The following DNAJB6 variants were observed in gnomAD, a reference collection of about 807,000 sequenced individuals.
DNAJB6 encodes the protein DnaJ heat shock protein family (Hsp40) member B6.
DNAJB6 carries 16 observed loss-of-function variants against 42.7 expected under a neutral mutation model. The observed-to-expected ratio is 0.37, with a 90% CI of 0.25 to 0.57. DNAJB6 has a LOEUF of 0.57. Ranked by LOEUF, DNAJB6 falls within the 20% of genes least tolerant of loss-of-function variation. The pLI, the probability that DNAJB6 is intolerant of heterozygous loss-of-function variation, is 0.74. For synonymous variants in DNAJB6, 170 were observed against 163.5 expected, an observed-to-expected ratio of 1.04 and a Z score of -0.30; for missense variants, 347 against 416.8, an observed-to-expected ratio of 0.83 and a Z score of 1.46.
At chr7:157,400,472 G>T (rs1277105489) in intron 8 of DNAJB6, among the ~76,000 whole-genome samples, 1 of 152,210 alleles carries the variant, frequency 6.6e-6, no homozygotes, top group African/African-American at 2.4e-5. Flanking sequence ...GCTCCATCCT[G>T]GTCATCCTTC....
intron 1 of DNAJB6, 135 bp from the exon 2 acceptor site, chr7:157,358,412 C>G: frequency 1.6e-6 from 1 of 615,200 alleles, no homozygotes; most frequent in South Asian, 2.0e-5. Context: ...GTGGTTAGCT[C>G]TAGTGGAAGT....
chr7:157,386,104 T>C lies in DNAJB6; in HGVS notation c.691+493T>C, dbSNP rs886567445. 5.1e-6 allele frequency: 5 copies of C among 975,512 alleles called. No individual in the cohort carries two copies. In the Admixed American group the frequency reaches 1.8e-4, roughly 36 times the overall value. 60.4% of individuals were successfully genotyped at this position (975,512 alleles called of 1,614,324 possible). On this transcript the variant is annotated intron_variant, in intron 8 of 9. Coordinates refer to ENST00000262177, the MANE Select transcript of DNAJB6 (RefSeq NM_058246.4). The stretch of plus-strand genomic sequence containing the variant: ...GTAGTGAAAGATATTAATACATTAA[T>C]GGTAATACATTTCTGGTTTAATATA...
chr7:157,412,693 A>G (rs1796011508), intron 9 of DNAJB6: 1 of 152,196 alleles, frequency 6.6e-6, no homozygotes, highest in Non-Finnish European at 1.5e-5. Flanking sequence ...AAAGGAATAC[A>G]GTGAGGAGAC....
chr7:157,365,513 T>A (rs1799799549), intron 3 of DNAJB6, among the ~76,000 whole-genome samples: 1 of 152,196 alleles, frequency 6.6e-6, no homozygotes. Flanking sequence ...TTTGTTTTCG[T>A]GCTGCAGATA....
chr7:157,388,011 A>G (rs200997207), intron 8 of DNAJB6, among the ~76,000 whole-genome samples: 4 of 151,892 alleles, frequency 2.6e-5, no homozygotes, highest in Non-Finnish European at 4.4e-5. Flanking sequence ...ACACTCAGCT[A>G]ATTTTTGTAT....
At chr7:157,361,152 C>G (rs972994362) in intron 2 of DNAJB6, among the ~76,000 whole-genome samples, 2 of 146,172 alleles carry the variant, frequency 1.4e-5, no homozygotes, top group African/African-American at 5.1e-5. Flanking sequence ...ATTTGATCCA[C>G]TGCTACACGT....
chr7:157,375,990 G>A (rs146412899), intron 5 of DNAJB6, among the ~76,000 whole-genome samples: 2 of 152,274 alleles, frequency 1.3e-5, no homozygotes, highest in African/African-American at 4.8e-5. Context: ...AGTGGGTCCT[G>A]AAATCATGAC....
At chr7:157,403,132 G>C (rs1204375443) in intron 8 of DNAJB6, among the ~76,000 whole-genome samples, 1 of 152,192 alleles carries the variant, frequency 6.6e-6, no homozygotes, top group Non-Finnish European at 1.5e-5. Context: ...GGGGGCTTCC[G>C]GGTCATAGGT....
intron 6 of DNAJB6, among the ~76,000 whole-genome samples, chr7:157,383,061 AGT>A (rs1800867886): frequency 6.6e-6 from 1 of 152,048 alleles, no homozygotes; most frequent in Admixed American, 6.6e-5. Context: ...CTCTTAGTGT[AGT>A]GGCACGGTCT....
chr7:157,392,057 G>A (rs1801368794), intron 8 of DNAJB6, among the ~76,000 whole-genome samples: 1 of 145,464 alleles, frequency 6.9e-6, no homozygotes, highest in South Asian at 2.1e-4. Flanking sequence ...AGCCGTGATC[G>A]AGCCACTGCA....
chr7:157,339,568 G>T (rs186964896), intron 1 of DNAJB6, among the ~76,000 whole-genome samples: 2 of 151,328 alleles, frequency 1.3e-5, no homozygotes, highest in Admixed American at 6.6e-5. Context: ...CAAAGTGCTG[G>T]GATTACAGGC....
At chr7:157,370,242 CCTTT>C in intron 5 of DNAJB6, among the ~76,000 whole-genome samples, 1 of 150,812 alleles carries the variant, frequency 6.6e-6, no homozygotes, top group Non-Finnish European at 1.5e-5. Context: ...TTAAACAGGC[CCTTT>C]CTTAACATTA....
intron 8 of DNAJB6, among the ~76,000 whole-genome samples, chr7:157,402,389 C>T (rs896302233): frequency 3.7e-4 from 57 of 152,344 alleles, no homozygotes; most frequent in Non-Finnish European, 7.8e-4. Context: ...CACTGCTGAG[C>T]GGCTTGGCCT....
intron 8 of DNAJB6, among the ~76,000 whole-genome samples, chr7:157,406,601 A>T (rs34486407): frequency 0.025 from 3,754 of 152,238 alleles, 126 homozygotes; most frequent in East Asian, 0.18. Context: ...GGGCGCAGGC[A>T]TCCACAGGAG....
chr7:157,345,714 T>G (rs1341654793), intron 1 of DNAJB6, among the ~76,000 whole-genome samples: 1 of 152,090 alleles, frequency 6.6e-6, no homozygotes, highest in Non-Finnish European at 1.5e-5. Context: ...AATTTTAAAT[T>G]GTGTATAATT....
chr7:157,390,390 GT>G (rs1297717744), intron 8 of DNAJB6, among the ~76,000 whole-genome samples: 1 of 152,202 alleles, frequency 6.6e-6, no homozygotes, highest in Admixed American at 6.5e-5. Context: ...TTTCTGCCCT[GT>G]TAGGTTGGTT....
chr7:157,398,578 C>G (rs564352361), intron 8 of DNAJB6, among the ~76,000 whole-genome samples: 1 of 152,324 alleles, frequency 6.6e-6, no homozygotes, highest in South Asian at 2.1e-4. Context: ...GCGGAACATT[C>G]CTCTAATAGC....
chr7:157,397,806 T>C (rs1584940344), intron 8 of DNAJB6, among the ~76,000 whole-genome samples: 1 of 152,330 alleles, frequency 6.6e-6, no homozygotes, highest in Admixed American at 6.5e-5. Flanking sequence ...TCAGCTTCTA[T>C]GTCACGAGCC....
intron 3 of DNAJB6, among the ~76,000 whole-genome samples, chr7:157,365,605 T>C (rs1799803909): frequency 1.3e-5 from 2 of 152,226 alleles, no homozygotes; most frequent in Non-Finnish European, 2.9e-5. Context: ...GTGATTTTAA[T>C]GTAGCATGTC....
Sources: gnomAD v4.1 joint callset for allele counts (sites outside exome capture counted in the v4.1 genomes callset) on GRCh38, gnomAD v4.1.1 for gene constraint, MANE v1.5 for transcripts, NCBI Gene and HGNC (gene_info 2026-07-23, HGNC 2026-07-21) for gene names.